The following FAM83F variants were observed in gnomAD, a reference collection of about 807,000 sequenced individuals.
The protein encoded by FAM83F is scaffolding CK1 anchoring protein F, also known as protein FAM83F.
In FAM83F, 45 loss-of-function variants were observed where a neutral mutation model predicts 42.9. The ratio of observed to expected loss-of-function variants is 1.05; its 90% CI spans 0.83 to 1.35. The LOEUF is 1.35. Among genes scored for constraint, FAM83F ranks in the 40% most tolerant of loss-of-function variants. FAM83F has a pLI of 0.00. For missense variants in FAM83F, 617 were observed against 695.9 expected (o/e 0.89, Z 1.28); for synonymous variants, 306 against 298.3 (o/e 1.03, Z -0.27).
chr22:40,024,854 A>C (rs553245588), intron 4 of FAM83F, among the ~76,000 whole-genome samples: 35 of 152,316 alleles, frequency 2.3e-4, no homozygotes, highest in South Asian at 2.3e-3. Flanking sequence ...AATTTTTGCA[A>C]ACCCAGGTGT....
chr22:40,009,218 C>T (rs2067450861), intron 1 of FAM83F, among the ~76,000 whole-genome samples: 1 of 152,160 alleles, frequency 6.6e-6, no homozygotes, highest in Non-Finnish European at 1.5e-5. Flanking sequence ...GTGTCCCTAG[C>T]TGCTTCCCTT....
chr22:40,007,243 C>T, intron 1 of FAM83F, among the ~76,000 whole-genome samples: 1 of 139,792 alleles, frequency 7.2e-6, no homozygotes, highest in Non-Finnish European at 1.6e-5. Context: ...CCCTCCCCTC[C>T]TCCTCTCCTC....
chr22:40,039,071 T>C lies in FAM83F; in HGVS notation c.*9506T>C, dbSNP rs951379581. 2 of 152,184 alleles carry C rather than the reference T, an allele frequency of 1.3e-5. No homozygotes were observed. The highest frequency in any genetic ancestry group is 4.8e-5 in the African/African-American group (2 of 41,432). The allele number at this position is 152,184 out of a possible 1,614,324, so 9.4% of individuals were successfully genotyped here. On this transcript the variant is annotated 3_prime_UTR_variant, in exon 5 of 5. Transcript: ENST00000333407. ...TGAAACCTGTGAACACAGAACCCCA[T>C]GCTTTCATTTTCCACTTAGTCCTGC...
intron 1 of FAM83F, among the ~76,000 whole-genome samples, chr22:40,013,304 G>A (rs2067477075): frequency 6.6e-6 from 1 of 152,112 alleles, no homozygotes; most frequent in African/African-American, 2.4e-5. Flanking sequence ...AGTAGGGATG[G>A]ATCCACCTCT....
chr22:40,038,184 G>T lies in FAM83F; in HGVS notation c.*8619G>T. ...TACTGGGAGGCAAGTGTTCTGATGG[G>T]AAAGCACAGCATGTAAAGAAGCCCA... On this transcript the variant is annotated 3_prime_UTR_variant, in exon 5 of 5. Transcript: ENST00000333407. 6.6e-6 allele frequency: 1 copy of T among 152,490 alleles called. No homozygotes were observed. The allele number at this position is 152,490 out of a possible 1,614,324, so 9.4% of individuals were successfully genotyped here.
rs533703357 is a variant in FAM83F at position 40,008,287 on chromosome 22, G to A, written c.490-10881G>A. On this transcript the variant is annotated intron_variant, in intron 1 of 4. Transcript: ENST00000333407. ...CTGCCTGGCTCCTCGGGAGCTCAGC[G>A]GGCCCCCCATGGGCTGTCTCCTTCT... Among the ~76,000 whole-genome samples, 6 of 152,292 alleles carry A rather than the reference G, an allele frequency of 3.9e-5. 1 individual carries two copies. In the South Asian group the frequency reaches 1.2e-3, roughly 32 times the overall value.
chr22:40,011,023 G>A (rs1425073074), intron 1 of FAM83F, among the ~76,000 whole-genome samples: 5 of 152,088 alleles, frequency 3.3e-5, no homozygotes, highest in Non-Finnish European at 5.9e-5. Context: ...TTTAGTTCAC[G>A]GCACAATGCC....
chr22:40,009,261 G>T (rs370397110), intron 1 of FAM83F, among the ~76,000 whole-genome samples: 4 of 151,262 alleles, frequency 2.6e-5, no homozygotes, highest in African/African-American at 9.7e-5. Flanking sequence ...TCACCAAAAG[G>T]CCCCCCCGAG....
chr22:40,026,886 TCTCTTG>T (rs1177058947), intron 4 of FAM83F, among the ~76,000 whole-genome samples: 3 of 152,316 alleles, frequency 2.0e-5, no homozygotes, highest in African/African-American at 4.8e-5. Flanking sequence ...CTCAGATCTC[TCTCTTG>T]CTCTTGCTGC....
At position 39,995,231 on chromosome 22, in the gene FAM83F, G is replaced by A. The variant is rs1439410622; in HGVS notation, c.189G>A (p.Glu63=). The change falls in exon 1 of 5, where the codon GAG becomes GAA. Residue 63 remains glutamate, a synonymous_variant. Coordinates refer to ENST00000333407, the MANE Select transcript of FAM83F (RefSeq NM_138435.4). This position sits in a 1 kb window ranked among gnomAD's most constrained non-coding sequence, Gnocchi z 4.6. Reference sequence around the variant, plus strand: ...TGCGGGACTTCCTCTCCAGCCCGGAGCGCCAGGCCCTGCGGGCCGCCTGGA... The same window carrying A: ...TGCGGGACTTCCTCTCCAGCCCGGAACGCCAGGCCCTGCGGGCCGCCTGGA... ...EQLRDFLSSP[E]RQALRAAWSP... 1.3e-6 allele frequency: 2 copies of A among 1,533,628 alleles called. No individual in the cohort carries two copies. The highest frequency in any genetic ancestry group is 1.7e-6 in the Non-Finnish European group (2 of 1,145,506).
At chr22:40,024,696 C>G (rs989871259) in intron 4 of FAM83F, among the ~76,000 whole-genome samples, 2 of 152,198 alleles carry the variant, frequency 1.3e-5, no homozygotes, top group African/African-American at 4.8e-5. Context: ...GATTCTGCCT[C>G]TGTTCTTTCT....
chr22:39,995,938 A>G lies in FAM83F; in HGVS notation c.489+407A>G, dbSNP rs538802005. The stretch of plus-strand genomic sequence containing the variant: ...AGCCGCTTTCTCATGTGATCGTCAA[A>G]ACAACTTCAGGGAGTGGGTGGCGGT... On this transcript the variant is annotated intron_variant, in intron 1 of 4. Transcript: ENST00000333407. The surrounding 1 kb of genome is among the most constrained non-coding windows in gnomAD (Gnocchi z 4.6). 7.2e-5 allele frequency among the ~76,000 whole-genome samples: 11 copies of G among 152,278 alleles called. No individual in the cohort carries two copies. Among genetic ancestry groups the G allele is most frequent in the Non-Finnish European group, 1.2e-4 (8 of 68,002 alleles).
In FAM83F at chr22:40,021,932, G is replaced by A; in HGVS notation, c.1422G>A (p.Arg474=). The change falls in exon 4 of 5, where the codon AGG becomes AGA. Residue 474 remains arginine (R), a synonymous_variant. Coordinates refer to ENST00000333407, the MANE Select transcript of FAM83F (RefSeq NM_138435.4). This position sits in a 1 kb window ranked among gnomAD's most constrained non-coding sequence, Gnocchi z 8.7. ...AAGTGGAGTTTCTGACGGGGAAGAG[G>A]CCCAACGAGAATTCCAGTGCTGACA... The part of the protein sequence containing the change: ...TSEVEFLTGK[R]PNENSSADIS... 6.4e-7 allele frequency: 1 copy of A among 1,574,080 alleles called. No homozygotes were observed. Among genetic ancestry groups the A allele is most frequent in the Non-Finnish European group, 8.6e-7 (1 of 1,158,754 alleles).
At chr22:40,003,551 G>GT (rs2067412431) in intron 1 of FAM83F, among the ~76,000 whole-genome samples, 2 of 151,766 alleles carry the variant, frequency 1.3e-5, no homozygotes, top group African/African-American at 4.8e-5. Context: ...TGCTCAGGGG[G>GT]GGTGTCCTGA....
rs149505880 is a variant in FAM83F at position 40,015,584 on chromosome 22, C to T, written c.490-3584C>T. 3.1e-3 allele frequency among the ~76,000 whole-genome samples: 466 copies of T among 152,292 alleles called. 3 individuals are homozygous for T. The highest frequency in any genetic ancestry group is 0.014 in the Middle Eastern group (4 of 294). On this transcript the variant is annotated intron_variant, in intron 1 of 4. Transcript: ENST00000333407. ...GGCAGACGCAGCTCCCACTCCCCTC[C>T]TCAGCCAGTGCCCGTGTGCAGGACA...
rs748126038 is a variant in FAM83F, at chr22:40,023,990, C to G, written c.1453+2027C>G. Among the ~76,000 whole-genome samples, 26 of 152,128 alleles carry G rather than the reference C, an allele frequency of 1.7e-4. No homozygotes were observed. The highest frequency in any genetic ancestry group is 3.2e-4 in the Non-Finnish European group (22 of 68,028). The stretch of plus-strand genomic sequence containing the variant: ...TCCCTCCCAAGGCCTGAGGGAGAAG[C>G]AGCAGCTCCTCTCCTGTCTTTTGCT... On this transcript the variant is annotated intron_variant, in intron 4 of 4. Transcript: ENST00000333407. The surrounding 1 kb of genome is among the most constrained non-coding windows in gnomAD (Gnocchi z 4.1).
intron 1 of FAM83F, among the ~76,000 whole-genome samples, chr22:40,014,968 C>T (rs1387535855): frequency 6.6e-6 from 1 of 152,134 alleles, no homozygotes; most frequent in East Asian, 1.9e-4. Context: ...TTACCTAAAG[C>T]ACAGGAAACA....
At position 40,030,638 on chromosome 22, in the gene FAM83F, G is replaced by A. The variant is rs1292296861; in HGVS notation, c.*1073G>A. On this transcript the variant is annotated 3_prime_UTR_variant, in exon 5 of 5. Transcript: ENST00000333407. ...CCTAATGGCCATGAGGCTGAGCTGG[G>A]AGGCCCAGTAAGCAATTCCATTCTG... 2 of 152,272 alleles carry A rather than the reference G, an allele frequency of 1.3e-5. No individual in the cohort carries two copies. The highest frequency in any genetic ancestry group is 3.9e-4 in the East Asian group (2 of 5,168). The allele number at this position is 152,272 out of a possible 1,614,324, so 9.4% of individuals were successfully genotyped here. A position where few individuals can be genotyped will look rare whatever the true frequency, so the allele number is the denominator to read the frequency against.
intron 1 of FAM83F, among the ~76,000 whole-genome samples, chr22:40,007,548 TCCTCCTCCTCTCC>T: frequency 1.0e-4 from 1 of 10,030 alleles, no homozygotes; most frequent in Non-Finnish European, 2.2e-4. Flanking sequence ...CCTCCTCCTC[TCCTCCTCCTCTCC>T]TCTCCTCCTC....
Sources: allele counts gnomAD v4.1 joint callset (sites outside exome capture counted in the v4.1 genomes callset), GRCh38; gene constraint gnomAD v4.1.1; non-coding constraint Gnocchi (gnomAD v3.1); transcripts MANE v1.5; gene names NCBI Gene and HGNC (gene_info 2026-07-23, HGNC 2026-07-21).